Variants in NFATC3 observed in about 807,000 individuals in gnomAD.
The protein encoded by NFATC3 is nuclear factor of activated T-cells, cytoplasmic 3.
Under a neutral mutation model 98.6 loss-of-function variants are expected in NFATC3, and 46 were observed. That is an observed-to-expected ratio of 0.47 (90% confidence interval 0.37 to 0.60). NFATC3 has a LOEUF of 0.60. Ranked by LOEUF, NFATC3 falls within the 20% of genes least tolerant of loss-of-function variation. The probability of loss-of-function intolerance (pLI) is 0.00; values close to 1 mark genes in which losing one functional copy is unlikely to be tolerated. For missense variants in NFATC3, 1,256 were observed against 1,295.5 expected (o/e 0.97, Z 0.47); for synonymous variants, 512 against 472.2 (o/e 1.08, Z -1.09).
chr16:68,171,473 CTT>C, intron 5 of NFATC3, among the ~76,000 whole-genome samples: 1 of 141,088 alleles, frequency 7.1e-6, no homozygotes, highest in African/African-American at 2.6e-5. Flanking sequence ...CCATACCTAT[CTT>C]TTTTTTTTTT....
At chr16:68,137,686 T>A (rs546145322) in intron 3 of NFATC3, among the ~76,000 whole-genome samples, 3 of 151,652 alleles carry the variant, frequency 2.0e-5, no homozygotes, top group Non-Finnish European at 4.4e-5. Context: ...CGATCTCCGC[T>A]CACTGCAAGC....
intron 9 of NFATC3, chr16:68,209,867 ACTCACAGT>A: frequency 3.5e-6 from 1 of 283,476 alleles, no homozygotes; most frequent in South Asian, 3.0e-5. Context: ...ACACACACAC[ACTCACAGT>A]CACACTCACT....
chr16:68,099,457 C>A (rs1024757289), intron 1 of NFATC3, among the ~76,000 whole-genome samples: 1 of 151,436 alleles, frequency 6.6e-6, no homozygotes, highest in African/African-American at 2.4e-5. Context: ...ATATATTAGC[C>A]GGGCATGGTG....
At chr16:68,202,617 G>T (rs1362323180) in intron 9 of NFATC3, among the ~76,000 whole-genome samples, 4 of 152,146 alleles carry the variant, frequency 2.6e-5, no homozygotes, top group African/African-American at 9.7e-5. Context: ...TTTGAGACCA[G>T]CCTGGCCAAT....
At chr16:68,194,799 G>A (rs959098847) in intron 9 of NFATC3, among the ~76,000 whole-genome samples, 3 of 152,094 alleles carry the variant, frequency 2.0e-5, no homozygotes, top group Non-Finnish European at 2.9e-5. Context: ...GGTCGGATAG[G>A]CAACAAATCA....
At chr16:68,113,379 C>A (rs892075522) in intron 1 of NFATC3, among the ~76,000 whole-genome samples, 5 of 152,234 alleles carry the variant, frequency 3.3e-5, no homozygotes, top group Admixed American at 2.0e-4. Flanking sequence ...TAGGGGACCA[C>A]TCCTGACCTA....
chr16:68,140,696 A>T (rs1024292448), intron 3 of NFATC3, among the ~76,000 whole-genome samples: 3 of 151,976 alleles, frequency 2.0e-5, no homozygotes, highest in African/African-American at 4.8e-5. Flanking sequence ...CTGTTGAAAT[A>T]AAAAAAAGGA....
chr16:68,164,614 T>A (rs2039099251), intron 4 of NFATC3, among the ~76,000 whole-genome samples: 1 of 152,164 alleles, frequency 6.6e-6, no homozygotes, highest in Admixed American at 6.6e-5. Flanking sequence ...GCATGGTGGC[T>A]CATGCCTGTA....
At chr16:68,120,731 TCAAA>T (rs57145448) in intron 1 of NFATC3, among the ~76,000 whole-genome samples, 26 of 151,060 alleles carry the variant, frequency 1.7e-4, no homozygotes, top group East Asian at 3.9e-4. Context: ...AGACTCCATC[TCAAA>T]CAAACAAACA....
chr16:68,154,984 CAG>C (rs970287898), intron 3 of NFATC3, among the ~76,000 whole-genome samples: 3 of 152,214 alleles, frequency 2.0e-5, no homozygotes, highest in African/African-American at 7.2e-5. Flanking sequence ...AGAGGGAAGA[CAG>C]AGAGCAGTTA....
chr16:68,172,410 C>A (rs978763988), intron 5 of NFATC3, among the ~76,000 whole-genome samples: 1 of 152,106 alleles, frequency 6.6e-6, no homozygotes, highest in African/African-American at 2.4e-5. Context: ...ATAATCAACA[C>A]TTTTAAAATT....
At position 68,228,163 on chromosome 16, in the gene NFATC3, T is replaced by A. The variant is rs1189780324; in HGVS notation, c.*1692T>A. ...AAAAACAAAATATATTTTAGATTTCTCCCCTAAAGTTAGTTAGAGAAAAAG... is the reference window on the plus strand; with the variant it reads ...AAAAACAAAATATATTTTAGATTTCACCCCTAAAGTTAGTTAGAGAAAAAG... On this transcript the variant is annotated 3_prime_UTR_variant, in exon 10 of 10. Transcript: ENST00000346183. The A allele has an allele frequency of 6.6e-6, 1 of 152,226 alleles. No individual in the cohort carries two copies. The highest frequency in any genetic ancestry group is 6.5e-5 in the Admixed American group (1 of 15,280). 9.4% of individuals were successfully genotyped at this position (152,226 alleles called of 1,614,324 possible). A position where few individuals can be genotyped will look rare whatever the true frequency, so the allele number is the denominator to read the frequency against.
In NFATC3 at chr16:68,214,304, A is replaced by G. The variant is rs2041542531; in HGVS notation, c.3107-12046A>G. 5.1e-6 allele frequency: 8 copies of G among 1,576,056 alleles called. No homozygotes were observed. In the East Asian group the frequency reaches 1.8e-4, roughly 35 times the overall value. ...CACCCTCTGGTTTGTTCCATTCAGT[A>G]GTGATGTTGTCTTCTTTGACACAGA... is the stretch of plus-strand genomic sequence containing the variant. On this transcript the variant is annotated intron_variant, in intron 9 of 9. Coordinates refer to ENST00000346183, the MANE Select transcript of NFATC3 (RefSeq NM_173165.3).
intron 1 of NFATC3, among the ~76,000 whole-genome samples, chr16:68,105,246 A>G (rs1355951464): frequency 1.3e-5 from 2 of 151,668 alleles, no homozygotes; most frequent in South Asian, 2.1e-4. Flanking sequence ...GCCTGCCACC[A>G]TGCCTGGCTA....
At chr16:68,190,646 C>T in intron 8 of NFATC3, 122 bp from the exon 9 acceptor site, 1 of 921,882 alleles carries the variant, frequency 1.1e-6, no homozygotes, top group Non-Finnish European at 1.6e-6. Flanking sequence ...TATGAACTGC[C>T]TTCCTTGGCA....
intron 1 of NFATC3, among the ~76,000 whole-genome samples, chr16:68,101,136 GTTTTCTTTTC>G (rs1160764629): frequency 6.6e-6 from 1 of 151,838 alleles, no homozygotes; most frequent in African/African-American, 2.4e-5. Context: ...TTTCTCCTCG[GTTTTCTTTTC>G]TTTTCTTTTT....
chr16:68,165,939 T>C (rs2039172366), intron 4 of NFATC3, among the ~76,000 whole-genome samples: 2 of 152,254 alleles, frequency 1.3e-5, no homozygotes, highest in Non-Finnish European at 1.5e-5. Context: ...CCTGCCACAA[T>C]AGTGTGTTAA....
At chr16:68,200,966 T>A (rs1395899508) in intron 9 of NFATC3, 1 of 152,136 alleles carries the variant, frequency 6.6e-6, no homozygotes, top group Non-Finnish European at 1.5e-5. Context: ...GGAGTTTCCC[T>A]TGTCACCCAG....
intron 9 of NFATC3, among the ~76,000 whole-genome samples, chr16:68,193,293 A>G (rs901611716): frequency 2.6e-4 from 40 of 152,214 alleles, no homozygotes; most frequent in Non-Finnish European, 5.1e-4. Context: ...TATGGACATA[A>G]TCATTTCTCA....
Sources: allele counts gnomAD v4.1 joint callset (sites outside exome capture counted in the v4.1 genomes callset), GRCh38; gene constraint gnomAD v4.1.1; transcripts MANE v1.5; gene names NCBI Gene and HGNC (gene_info 2026-07-23, HGNC 2026-07-21).